Variants in DSCAM observed in about 807,000 individuals in gnomAD.
The protein encoded by DSCAM is DS cell adhesion molecule.
A neutral mutation model predicts 217.7 loss-of-function variants in DSCAM; 47 were observed. The ratio of observed to expected loss-of-function variants is 0.22; its 90% CI spans 0.17 to 0.28. DSCAM has a LOEUF of 0.28. Among genes scored for constraint, DSCAM ranks in the 10% least tolerant of loss-of-function variants. The pLI, the probability that DSCAM is intolerant of heterozygous loss-of-function variation, is 1.00. For missense variants in DSCAM, 2,080 were observed against 2,618.3 expected, an observed-to-expected ratio of 0.79 and a Z score of 4.49; for synonymous variants, 1,056 against 1,015.3, an observed-to-expected ratio of 1.04 and a Z score of -0.76.
intron 8 of DSCAM, among the ~76,000 whole-genome samples, chr21:40,330,669 T>C (rs922788330): frequency 2.0e-5 from 3 of 151,992 alleles, no homozygotes; most frequent in African/African-American, 7.2e-5. Flanking sequence ...CTGCAGACAC[T>C]TGAGAGCATA....
intron 30 of DSCAM, among the ~76,000 whole-genome samples, chr21:40,046,776 G>C (rs565155656): frequency 4.6e-5 from 7 of 151,886 alleles, no homozygotes; most frequent in African/African-American, 1.7e-4. Context: ...AAGTTGGGGG[G>C]TGGTTGGGGG....
intron 4 of DSCAM, among the ~76,000 whole-genome samples, chr21:40,354,614 C>A (rs1222174042): frequency 6.6e-6 from 1 of 151,936 alleles, no homozygotes; most frequent in Non-Finnish European, 1.5e-5. Context: ...CTTTGGGAGG[C>A]CAAGGCAGGC....
At chr21:40,718,393 A>G (rs1179225737) in intron 1 of DSCAM, among the ~76,000 whole-genome samples, 1 of 152,260 alleles carries the variant, frequency 6.6e-6, no homozygotes, top group African/African-American at 2.4e-5. Flanking sequence ...GCAATTTACA[A>G]GAGAAAGGTA....
intron 24 of DSCAM, among the ~76,000 whole-genome samples, chr21:40,081,557 A>G (rs139045819): frequency 2.6e-3 from 397 of 151,930 alleles, no homozygotes; most frequent in African/African-American, 9.4e-3. Context: ...CTCCTTCAGT[A>G]CCTGACAGGT....
At chr21:40,484,161 C>T (rs930377337) in intron 3 of DSCAM, among the ~76,000 whole-genome samples, 5 of 152,190 alleles carry the variant, frequency 3.3e-5, no homozygotes, top group Non-Finnish European at 5.9e-5. Flanking sequence ...CCAAAGACTA[C>T]GATTTATGGG....
At chr21:40,258,436 C>T (rs1370508311) in intron 11 of DSCAM, among the ~76,000 whole-genome samples, 1 of 152,188 alleles carries the variant, frequency 6.6e-6, no homozygotes, top group Non-Finnish European at 1.5e-5. Context: ...ATGAGCTACT[C>T]CTGAAATACA....
At chr21:40,450,126 CA>C (rs1048590608) in intron 3 of DSCAM, among the ~76,000 whole-genome samples, 103 of 152,108 alleles carry the variant, frequency 6.8e-4, no homozygotes, top group African/African-American at 2.3e-3. Flanking sequence ...AAATGGTTAA[CA>C]AGTTACTCTG....
At chr21:40,366,629 C>A (rs1312858325) in intron 4 of DSCAM, among the ~76,000 whole-genome samples, 1 of 151,826 alleles carries the variant, frequency 6.6e-6, no homozygotes, top group East Asian at 1.9e-4. Context: ...CATTCTTTTT[C>A]TTGTGATAAA....
chr21:40,604,922 G>A (rs1442580518), intron 3 of DSCAM, among the ~76,000 whole-genome samples: 1 of 152,208 alleles, frequency 6.6e-6, no homozygotes, highest in African/African-American at 2.4e-5. Context: ...CAGGATAGAA[G>A]GGGGCACCAG....
At chr21:40,074,154 T>C (rs558106470) in intron 27 of DSCAM, among the ~76,000 whole-genome samples, 5 of 152,336 alleles carry the variant, frequency 3.3e-5, no homozygotes, top group African/African-American at 7.2e-5. Flanking sequence ...TCAGTAAAGT[T>C]TGGGATATGT....
chr21:40,032,309 C>T (rs535296585), intron 32 of DSCAM, among the ~76,000 whole-genome samples: 50 of 152,216 alleles, frequency 3.3e-4, no homozygotes, highest in African/African-American at 1.1e-3. Flanking sequence ...TTTTCCAATC[C>T]GTCTTTTATT....
chr21:40,427,759 G>C (rs62223845), intron 3 of DSCAM, among the ~76,000 whole-genome samples: 8,759 of 152,316 alleles, frequency 0.058, 365 homozygotes, highest in African/African-American at 0.12. Context: ...ACACAAGCTA[G>C]GGAGGCTATG....
intron 11 of DSCAM, among the ~76,000 whole-genome samples, chr21:40,243,167 T>C (rs2073175979): frequency 6.6e-6 from 1 of 152,190 alleles, no homozygotes. Context: ...CTTTGGAACA[T>C]GAAAGCTCAG....
At chr21:40,506,080 A>G (rs1246307253) in intron 3 of DSCAM, among the ~76,000 whole-genome samples, 1 of 152,212 alleles carries the variant, frequency 6.6e-6, no homozygotes, top group Non-Finnish European at 1.5e-5. Flanking sequence ...AGATTCTTAA[A>G]GATTTACTGA....
chr21:40,642,345 G>A lies in DSCAM; in HGVS notation c.508+50465C>T, dbSNP rs531345609. ...CATGGCTGGAACAGAGGCACGATAA[G>A]TATGTATCCAGCACAAGCAAGAGGG... On this transcript the variant is annotated intron_variant, in intron 3 of 32. Transcript: ENST00000400454. Among the ~76,000 whole-genome samples, 537 of 152,110 alleles carry A rather than the reference G, an allele frequency of 3.5e-3. 3 individuals carry two copies. The highest frequency in any genetic ancestry group is 0.012 in the African/African-American group (485 of 41,426).
At chr21:40,155,164 G>C (rs1380573474) in intron 16 of DSCAM, among the ~76,000 whole-genome samples, 1 of 152,156 alleles carries the variant, frequency 6.6e-6, no homozygotes, top group Non-Finnish European at 1.5e-5. Flanking sequence ...GCTAACCACA[G>C]TTAACATTTC....
At chr21:40,685,589 A>AAGAC in intron 3 of DSCAM, among the ~76,000 whole-genome samples, 1 of 152,236 alleles carries the variant, frequency 6.6e-6, no homozygotes, top group Non-Finnish European at 1.5e-5. Context: ...CCACAGGGAG[A>AAGAC]AGACCCCTGA....
intron 32 of DSCAM, among the ~76,000 whole-genome samples, chr21:40,028,554 C>A (rs541619273): frequency 6.6e-6 from 1 of 152,010 alleles, no homozygotes; most frequent in Non-Finnish European, 1.5e-5. Context: ...TCTCGTGGTG[C>A]GCCATGTTTT....
At chr21:40,242,516 C>T (rs930805069) in intron 11 of DSCAM, among the ~76,000 whole-genome samples, 2 of 152,184 alleles carry the variant, frequency 1.3e-5, no homozygotes, top group African/African-American at 4.8e-5. Flanking sequence ...TGTCTTCCAG[C>T]CAATGAGCTG....
Sources: gnomAD v4.1 joint callset for allele counts (sites outside exome capture counted in the v4.1 genomes callset) on GRCh38, gnomAD v4.1.1 for gene constraint, MANE v1.5 for transcripts, NCBI Gene and HGNC (gene_info 2026-07-23, HGNC 2026-07-21) for gene names.